The following CCDC12 variants were observed in gnomAD, a reference collection of about 807,000 sequenced individuals.
The protein encoded by CCDC12 is coiled-coil domain-containing protein 12.
In CCDC12, 28 loss-of-function variants were observed where a neutral mutation model predicts 25.7. The observed-to-expected ratio is 1.09, with a 90% CI of 0.81 to 1.50. The LOEUF is 1.50. Among genes scored for constraint, CCDC12 ranks in the 40% most tolerant of loss-of-function variants. CCDC12 has a pLI of 0.00. For synonymous variants in CCDC12, 75 were observed against 87.7 expected (o/e 0.86, Z 0.81); for missense variants, 198 against 210.0 (o/e 0.94, Z 0.35).
chr3:46,964,390 C>T (rs1326443503), intron 1 of CCDC12, among the ~76,000 whole-genome samples: 2 of 152,202 alleles, frequency 1.3e-5, no homozygotes, highest in Non-Finnish European at 2.9e-5. Context: ...CGCTTCTGCC[C>T]GGCCGCCCCT....
chr3:46,979,933 G>GCCCGCACCCGCA (rs757306698), upstream of CCDC12: 2 of 362,660 alleles, frequency 5.5e-6, no homozygotes, highest in Admixed American at 4.6e-5. Flanking sequence ...CCCGCCCCGC[G>GCCCGCACCCGCA]CCCGCACCCG....
At chr3:46,957,176 G>A (rs1575557591) in intron 1 of CCDC12, among the ~76,000 whole-genome samples, 1 of 152,286 alleles carries the variant, frequency 6.6e-6, no homozygotes, top group East Asian at 1.9e-4. Flanking sequence ...ACTCCAAATG[G>A]TGAGTTGTGA....
intron 1 of CCDC12, among the ~76,000 whole-genome samples, chr3:46,942,513 A>G (rs998473179): frequency 6.6e-6 from 1 of 152,218 alleles, no homozygotes; most frequent in African/African-American, 2.4e-5. Context: ...CCTTTCCTAG[A>G]CATTTATTTA....
At chr3:46,951,798 A>AAAAAAAAAAAAAAAAAATATAT in intron 1 of CCDC12, among the ~76,000 whole-genome samples, 1 of 8,466 alleles carries the variant, frequency 1.2e-4, no homozygotes, top group Non-Finnish European at 2.8e-4. Flanking sequence ...AAAAAAAAAA[A>AAAAAAAAAAAAAAAAAATATAT]ATATATATAT....
chr3:46,947,544 A>G (rs1422842400), intron 1 of CCDC12, among the ~76,000 whole-genome samples: 3 of 152,222 alleles, frequency 2.0e-5, no homozygotes, highest in Non-Finnish European at 4.4e-5. Context: ...TCTACTGCCC[A>G]GAGACTGGCA....
chr3:46,940,047 C>T (rs1048712329), intron 2 of CCDC12, among the ~76,000 whole-genome samples: 1 of 152,226 alleles, frequency 6.6e-6, no homozygotes, highest in Non-Finnish European at 1.5e-5. Context: ...TCCAGAAAGA[C>T]ACACAGTCTG....
upstream of CCDC12, among the ~76,000 whole-genome samples, chr3:46,980,067 C>T (rs1199873037): frequency 6.6e-6 from 1 of 151,764 alleles, no homozygotes; most frequent in Non-Finnish European, 1.5e-5. Context: ...TCCGCACACA[C>T]GTGTGTGCCC....
At chr3:46,939,167 T>C (rs1243430008) in intron 2 of CCDC12, among the ~76,000 whole-genome samples, 11 of 152,220 alleles carry the variant, frequency 7.2e-5, no homozygotes, top group Admixed American at 7.2e-4. Flanking sequence ...GTAACACACA[T>C]ATATCATTTT....
At chr3:46,925,187 C>CAA (rs1169902461) in intron 3 of CCDC12, 1 of 641,492 alleles carries the variant, frequency 1.6e-6, no homozygotes, top group African/African-American at 1.8e-5. Flanking sequence ...TGGCCTTTTT[C>CAA]AAACCCCACT....
At chr3:46,941,768 G>A (rs1213938162) in intron 1 of CCDC12, among the ~76,000 whole-genome samples, 1 of 152,178 alleles carries the variant, frequency 6.6e-6, no homozygotes, top group Non-Finnish European at 1.5e-5. Flanking sequence ...AGCTAGGAAA[G>A]ACTGGGGAAA....
intron 1 of CCDC12, among the ~76,000 whole-genome samples, chr3:46,973,834 G>A (rs956679301): frequency 1.2e-4 from 18 of 151,920 alleles, no homozygotes; most frequent in Non-Finnish European, 1.5e-5. Context: ...GAATGGTCTC[G>A]ATCTCCTGAC....
chr3:46,945,735 TTA>T (rs2033877964), intron 1 of CCDC12, among the ~76,000 whole-genome samples: 1 of 152,254 alleles, frequency 6.6e-6, no homozygotes, highest in African/African-American at 2.4e-5. Flanking sequence ...TGTTATTAAT[TTA>T]TGTCTTTCAA....
intron 2 of CCDC12, among the ~76,000 whole-genome samples, chr3:46,939,206 T>G (rs2033590588): frequency 2.0e-5 from 3 of 152,222 alleles, no homozygotes; most frequent in Admixed American, 2.0e-4. Flanking sequence ...TAAATGTTCC[T>G]GCCCTGTATG....
At chr3:46,962,420 G>A (rs1253348814) in intron 1 of CCDC12, among the ~76,000 whole-genome samples, 2 of 46,698 alleles carry the variant, frequency 4.3e-5, no homozygotes, top group Non-Finnish European at 7.5e-5. Context: ...GGTAACAAGA[G>A]CAAAACTCTA....
chr3:46,928,781 C>A (rs1201995532), intron 2 of CCDC12, among the ~76,000 whole-genome samples: 1 of 152,080 alleles, frequency 6.6e-6, no homozygotes, highest in African/African-American at 2.4e-5. Flanking sequence ...ATACTTTAGG[C>A]TAGAGGAAAA....
intron 2 of CCDC12, among the ~76,000 whole-genome samples, chr3:46,927,109 C>G (rs576172819): frequency 6.6e-6 from 1 of 152,174 alleles, no homozygotes; most frequent in Admixed American, 6.5e-5. Context: ...GAGCCTGGAG[C>G]CTTGGGGCTG....
intron 1 of CCDC12, among the ~76,000 whole-genome samples, chr3:46,972,318 T>C (rs2034828925): frequency 2.0e-5 from 3 of 151,860 alleles, no homozygotes; most frequent in Admixed American, 1.3e-4. Context: ...AAAAATTAAT[T>C]TTTAAAAAAA....
At chr3:46,937,043 C>T (rs1353753693) in intron 2 of CCDC12, among the ~76,000 whole-genome samples, 1 of 152,154 alleles carries the variant, frequency 6.6e-6, no homozygotes, top group Non-Finnish European at 1.5e-5. Flanking sequence ...GGGTCAGGGA[C>T]GCATCAGAGA....
At chr3:46,952,443 C>T (rs1486256815) in intron 1 of CCDC12, among the ~76,000 whole-genome samples, 1 of 152,224 alleles carries the variant, frequency 6.6e-6, no homozygotes, top group Non-Finnish European at 1.5e-5. Flanking sequence ...ATCCTCAGTT[C>T]TTTCTACCAC....
Sources: allele counts gnomAD v4.1 joint callset (sites outside exome capture counted in the v4.1 genomes callset), GRCh38; gene constraint gnomAD v4.1.1; transcripts MANE v1.5; gene names NCBI Gene and HGNC (gene_info 2026-07-23, HGNC 2026-07-21).